The following ELF2 variants were observed in gnomAD, a reference collection of about 807,000 sequenced individuals.
The protein encoded by ELF2 is ETS-related transcription factor Elf-2.
In ELF2, 11 loss-of-function variants were observed where a neutral mutation model predicts 54.8. The ratio of observed to expected loss-of-function variants is 0.20; its 90% CI spans 0.13 to 0.33. ELF2 has a LOEUF of 0.33. Among genes scored for constraint, ELF2 ranks in the 10% least tolerant of loss-of-function variants. The pLI, the probability that ELF2 is intolerant of heterozygous loss-of-function variation, is 1.00. For synonymous variants in ELF2, 203 were observed against 245.1 expected, an observed-to-expected ratio of 0.83 and a Z score of 1.61; for missense variants, 513 against 703.0, an observed-to-expected ratio of 0.73 and a Z score of 3.06.
chr4:139,084,564 GC>G, intron 4 of ELF2: 1 of 361,378 alleles, frequency 2.8e-6, no homozygotes, highest in Non-Finnish European at 3.9e-6. Flanking sequence ...GCAGCCTGCG[GC>G]GAGAGACACC....
chr4:139,081,168 A>G (rs1263649591), intron 4 of ELF2, among the ~76,000 whole-genome samples: 1 of 152,170 alleles, frequency 6.6e-6, no homozygotes, highest in East Asian at 1.9e-4. Context: ...CATATTGTCC[A>G]TGAAATTTTA....
At chr4:139,151,094 A>AAGAAAGAAAGAAAGAAAGAAAGAAAG (rs1179118074) in intron 1 of ELF2, among the ~76,000 whole-genome samples, 5 of 147,650 alleles carry the variant, frequency 3.4e-5, no homozygotes, top group African/African-American at 9.9e-5. Flanking sequence ...GAAAGAAAGA[A>AAGAAAGAAAGAAAGAAAGAAAGAAAG]AAAGAGAGCT....
At position 139,153,566 on chromosome 4, in the gene ELF2, T is replaced by C. The variant is rs1400505200; in HGVS notation, c.-251-14069A>G. On this transcript the variant is annotated intron_variant, in intron 1 of 9. Coordinates refer to ENST00000686138, the MANE Select transcript of ELF2 (RefSeq NM_001331036.3). ...GCAAAACTGCCTCCCACTTTGTTCCTAAATAGATAGCTGCAAAGATAAAAG... is the reference window on the plus strand; with the variant it reads ...GCAAAACTGCCTCCCACTTTGTTCCCAAATAGATAGCTGCAAAGATAAAAG... 3.3e-5 allele frequency among the ~76,000 whole-genome samples: 5 copies of C among 152,296 alleles called. No individual in the cohort carries two copies. The East Asian group carries it at 9.6e-4, about 29-fold the overall frequency.
chr4:139,100,906 G>A (rs1733817200), intron 4 of ELF2, among the ~76,000 whole-genome samples: 1 of 152,218 alleles, frequency 6.6e-6, no homozygotes, highest in South Asian at 2.1e-4. Context: ...TGATTAGAAG[G>A]CCAAAGGCCA....
At chr4:139,072,060 A>C (rs1729593541) in intron 5 of ELF2, 21 bp from the exon 6 acceptor site, 2 of 1,605,906 alleles carry the variant, frequency 1.2e-6, no homozygotes, top group Non-Finnish European at 1.7e-6. Context: ...AAGTTGAAAA[A>C]TTAAAATTTC....
At chr4:139,151,560 G>A (rs1578937683) in intron 1 of ELF2, among the ~76,000 whole-genome samples, 2 of 152,116 alleles carry the variant, frequency 1.3e-5, no homozygotes, top group African/African-American at 2.4e-5. Context: ...TAGTTCTCAC[G>A]CAGAATGATG....
intron 2 of ELF2, 38 bp from the exon 3 acceptor site, chr4:139,137,905 T>A (rs1208055625): frequency 8.0e-7 from 1 of 1,257,738 alleles, no homozygotes; most frequent in African/African-American, 1.5e-5. Flanking sequence ...ATTTTAAAAA[T>A]TACAGGAAGG....
In ELF2 at chr4:139,059,136, C is replaced by T. The variant is rs763438111; in HGVS notation, c.1629G>A (p.Lys543=). Residue 543 remains lysine (K), a synonymous_variant, in exon 10 of 10, where the codon AAG becomes AAA. Transcript: ENST00000686138. The stretch of plus-strand genomic sequence containing the variant: ...GCAAAGTTTTCACATCATGTTCTTG[C>T]TTTTTTGCCACTGCTTCCGATTTAA... The part of the protein sequence containing the change: ...PEVKSEAVAK[K]QEHDVKTLQL... 1.1e-5 allele frequency: 17 copies of T among 1,613,954 alleles called. No homozygotes were observed. The South Asian group carries it at 1.6e-4, about 16-fold the overall frequency.
chr4:139,057,915 A>G lies in ELF2; in HGVS notation c.*1068T>C, dbSNP rs1487483600. 6.6e-6 allele frequency: 1 copy of G among 152,654 alleles called. No individual in the cohort carries two copies. The highest frequency in any genetic ancestry group is 2.4e-5 in the African/African-American group (1 of 41,464). The allele number at this position is 152,654 out of a possible 1,614,324, so 9.5% of individuals were successfully genotyped here. A position where few individuals can be genotyped will look rare whatever the true frequency, so the allele number is the denominator to read the frequency against. ...CTACTTGAATACACTTTGAAACAAGAGTACAACAAAATAGAATATACTTCA... is the reference window on the plus strand; with the variant it reads ...CTACTTGAATACACTTTGAAACAAGGGTACAACAAAATAGAATATACTTCA... On this transcript the variant is annotated 3_prime_UTR_variant, in exon 10 of 10. Coordinates refer to ENST00000686138, the MANE Select transcript of ELF2 (RefSeq NM_001331036.3).
chr4:139,122,496 T>TTTTTGTTTTGTTTTGTTTTGTTTTG (rs55655731), intron 4 of ELF2, among the ~76,000 whole-genome samples: 1 of 150,490 alleles, frequency 6.6e-6, no homozygotes, highest in East Asian at 2.0e-4. Context: ...CTTTTTTTAG[T>TTTTTGTTTTGTTTTGTTTTGTTTTG]TTTTGTTTTG....
intron 4 of ELF2, among the ~76,000 whole-genome samples, chr4:139,123,510 G>T (rs1484270810): frequency 2.0e-5 from 3 of 151,990 alleles, no homozygotes; most frequent in Non-Finnish European, 4.4e-5. Flanking sequence ...TTCTGAATTG[G>T]TTTTACTTGA....
rs565011532 is a variant in ELF2 at position 139,057,403 on chromosome 4, T to C, written c.*1580A>G. 1.4e-4 allele frequency: 21 copies of C among 152,348 alleles called. No homozygotes were observed. The highest frequency in any genetic ancestry group is 5.0e-4 in the African/African-American group (21 of 41,586). The allele number at this position is 152,348 out of a possible 1,614,324, so 9.4% of individuals were successfully genotyped here. On this transcript the variant is annotated 3_prime_UTR_variant, in exon 10 of 10. Coordinates refer to ENST00000686138, the MANE Select transcript of ELF2 (RefSeq NM_001331036.3). ...ATATTATGTATGAGTTCATCTACATTTCTAAAACATGTAAAAATAGATAAC... is the reference window on the plus strand; with the variant it reads ...ATATTATGTATGAGTTCATCTACATCTCTAAAACATGTAAAAATAGATAAC...
chr4:139,084,279 A>G (rs1278125623), intron 4 of ELF2: 8 of 1,602,776 alleles, frequency 5.0e-6, no homozygotes, highest in Non-Finnish European at 6.8e-6. Flanking sequence ...GCGGCCGGAG[A>G]CACACGCCGT....
intron 4 of ELF2, among the ~76,000 whole-genome samples, chr4:139,110,475 A>C (rs1734849474): frequency 6.6e-6 from 1 of 152,232 alleles, no homozygotes; most frequent in Admixed American, 6.5e-5. Flanking sequence ...CGGAGACTGA[A>C]CTGACAACCA....
At chr4:139,135,279 G>GTGTGTGTGTGTGTGTGTA (rs373283677) in intron 3 of ELF2, among the ~76,000 whole-genome samples, 22 of 136,498 alleles carry the variant, frequency 1.6e-4, no homozygotes, top group African/African-American at 5.6e-4. Flanking sequence ...GTGTGTGTGT[G>GTGTGTGTGTGTGTGTGTA]TATATATGAA....
intron 1 of ELF2, among the ~76,000 whole-genome samples, chr4:139,168,816 C>A (rs1741971430): frequency 6.6e-6 from 1 of 152,134 alleles, no homozygotes; most frequent in South Asian, 2.1e-4. Context: ...AATCCTCCTG[C>A]CTCTGCCTCC....
At chr4:139,061,839 G>C (rs1381252594) in intron 8 of ELF2, 26 bp downstream of exon 8, 5 of 1,605,928 alleles carry the variant, frequency 3.1e-6, no homozygotes, top group South Asian at 1.1e-5. Flanking sequence ...AATTTTGTTT[G>C]AATACTAGCT....
chr4:139,148,165 T>A lies in ELF2; in HGVS notation c.-251-8668A>T, dbSNP rs1334066784. 2.6e-5 allele frequency among the ~76,000 whole-genome samples: 4 copies of A among 151,304 alleles called. No individual in the cohort carries two copies. In the East Asian group the frequency reaches 5.8e-4, roughly 22 times the overall value. ...AGCTGTCTGTTCTGGCCATTTCATA[T>A]GAATATAATTATATAATATGTGATT... On this transcript the variant is annotated intron_variant, in intron 1 of 9. Coordinates refer to ENST00000686138, the MANE Select transcript of ELF2 (RefSeq NM_001331036.3).
At chr4:139,079,902 T>C (rs913152298) in intron 4 of ELF2, among the ~76,000 whole-genome samples, 1 of 152,146 alleles carries the variant, frequency 6.6e-6, no homozygotes, top group Non-Finnish European at 1.5e-5. Context: ...GGAGACTCCA[T>C]CTCAAAAAAT....
Sources: gnomAD v4.1 joint callset for allele counts (sites outside exome capture counted in the v4.1 genomes callset) on GRCh38, gnomAD v4.1.1 for gene constraint, MANE v1.5 for transcripts, NCBI Gene and HGNC (gene_info 2026-07-23, HGNC 2026-07-21) for gene names.